Variants in NCOR2 observed in about 807,000 individuals in gnomAD.
NCOR2 encodes the protein nuclear receptor corepressor 2, also known as CTG repeat protein 26.
In NCOR2, 81 loss-of-function variants were observed where a neutral mutation model predicts 262.9. The ratio of observed to expected loss-of-function variants is 0.31; its 90% CI spans 0.26 to 0.37. The LOEUF (loss-of-function observed/expected upper bound fraction) is 0.37. Ranked by LOEUF, NCOR2 falls within the 10% of genes least tolerant of loss-of-function variation. The probability of loss-of-function intolerance (pLI) is 1.00; values close to 1 mark genes in which losing one functional copy is unlikely to be tolerated. For missense variants in NCOR2, 3,385 were observed against 3,621.4 expected, an observed-to-expected ratio of 0.93 and a Z score of 1.68; for synonymous variants, 1,659 against 1,559.3, an observed-to-expected ratio of 1.06 and a Z score of -1.51.
chr12:124,509,250 C>G (rs1434685887), intron 1 of NCOR2, among the ~76,000 whole-genome samples: 12 of 110,778 alleles, frequency 1.1e-4, no homozygotes, highest in African/African-American at 4.1e-4. Context: ...GGGGGGGGGG[C>G]TTAACTCTGA....
exon 38 of NCOR2, chr12:124,336,961 G>A (rs1282185568): frequency 2.0e-6 from 3 of 1,531,758 alleles, no homozygotes; most frequent in Non-Finnish European, 1.8e-6. Flanking sequence ...TGGGGGAGGA[G>A]GCGGGCTCCA....
At chr12:124,448,989 C>A (rs1478614216) in intron 7 of NCOR2, among the ~76,000 whole-genome samples, 1 of 152,206 alleles carries the variant, frequency 6.6e-6, no homozygotes, top group Non-Finnish European at 1.5e-5. Context: ...CAGCCCACCA[C>A]GTGGCCATAT....
intron 32 of NCOR2, 48 bp downstream of exon 34, chr12:124,344,549 C>T: frequency 7.1e-7 from 1 of 1,403,488 alleles, no homozygotes; most frequent in Middle Eastern, 2.6e-4. Flanking sequence ...GGCACAGCTT[C>T]TCCAGACAGG....
intron 27 of NCOR2, 123 bp downstream of exon 29, chr12:124,353,970 G>A: frequency 1.2e-6 from 1 of 851,596 alleles, no homozygotes; most frequent in Non-Finnish European, 1.9e-6. Context: ...GGAGTGAACT[G>A]CTGTCCCCCA....
At chr12:124,429,452 G>A (rs1356307087) in intron 10 of NCOR2, 161 bp downstream of exon 12, 5 of 705,976 alleles carry the variant, frequency 7.1e-6, no homozygotes, top group Non-Finnish European at 1.2e-5. Flanking sequence ...CTGCAGGCCT[G>A]GGACGGGTAC....
intron 20 of NCOR2, among the ~76,000 whole-genome samples, chr12:124,365,602 GAC>G (rs1433823904): frequency 6.6e-6 from 1 of 152,204 alleles, no homozygotes; most frequent in Non-Finnish European, 1.5e-5. Context: ...GGGGAGAGCA[GAC>G]ACAGACTCGG....
chr12:124,339,950 T>C, intron 37 of NCOR2, 56 bp downstream of exon 39: 1 of 1,280,882 alleles, frequency 7.8e-7, no homozygotes, highest in Non-Finnish European at 1.0e-6. Context: ...CTGCTCATCC[T>C]CCTACTGACC....
At chr12:124,361,818 C>T (rs955512251) in intron 22 of NCOR2, among the ~76,000 whole-genome samples, 1 of 89,550 alleles carries the variant, frequency 1.1e-5, no homozygotes, top group Admixed American at 1.5e-4. Context: ...AACCAGGGAC[C>T]AGGGGGATTT....
In NCOR2 at chr12:124,341,813, AC is replaced by A. The variant is rs2036488337; in HGVS notation, c.5188+9del. Reference sequence around the variant, plus strand: ...CAAACCCAGCGGAGGTGGTCTGCCCACCCACTCACCTCGGGGACCCGCAGCG... The same window carrying A: ...CAAACCCAGCGGAGGTGGTCTGCCCACCACTCACCTCGGGGACCCGCAGCG... On this transcript the variant is annotated intron_variant, in intron 34 of 46. Coordinates refer to ENST00000405201, the Ensembl canonical transcript of NCOR2. 6.3e-7 allele frequency: 1 copy of A among 1,592,448 alleles called. No homozygotes were observed. Among genetic ancestry groups the A allele is most frequent in the South Asian group, 1.1e-5 (1 of 89,652 alleles).
intron 1 of NCOR2, among the ~76,000 whole-genome samples, chr12:124,507,697 G>A (rs2136998136): frequency 6.6e-6 from 1 of 152,364 alleles, no homozygotes; most frequent in African/African-American, 2.4e-5. Flanking sequence ...CCAGGGAAGG[G>A]CTGACTGCTT....
exon 2 of NCOR2, chr12:124,486,467 C>G (rs1236039250): frequency 1.2e-6 from 2 of 1,612,594 alleles, no homozygotes; most frequent in African/African-American, 1.3e-5. Flanking sequence ...GGAACTCAGA[C>G]AGCAGGGAGG....
At chr12:124,335,874 C>G (rs765347264) in intron 38 of NCOR2, 5 of 530,426 alleles carry the variant, frequency 9.4e-6, no homozygotes, top group Admixed American at 6.4e-5. Context: ...GAGGGAGACA[C>G]AGAGAGAGAT....
chr12:124,420,570 C>T (rs11837447), intron 12 of NCOR2, among the ~76,000 whole-genome samples: 11,746 of 152,276 alleles, frequency 0.077, 805 homozygotes, highest in African/African-American at 0.18. Context: ...CCACGCCCCA[C>T]GCCCCACGCG....
intron 5 of NCOR2, among the ~76,000 whole-genome samples, chr12:124,463,513 GA>G (rs1375321231): frequency 6.6e-6 from 1 of 152,226 alleles, no homozygotes; most frequent in Non-Finnish European, 1.5e-5. Context: ...GGGGAGGCGG[GA>G]AAAGCCTCGC....
At chr12:124,406,423 G>C (rs898965449) in intron 13 of NCOR2, among the ~76,000 whole-genome samples, 2 of 152,178 alleles carry the variant, frequency 1.3e-5, no homozygotes, top group Non-Finnish European at 2.9e-5. Flanking sequence ...TGCCACGGCT[G>C]GCCTCAGATC....
At chr12:124,346,778 C>T (rs2036967432) in exon 31 of NCOR2, 4 of 1,561,298 alleles carry the variant, frequency 2.6e-6, no homozygotes, top group Non-Finnish European at 3.5e-6. Context: ...CGGAGGCGTG[C>T]CCTCCCGCTT....
chr12:124,497,814 T>C (rs543436159), upstream of NCOR2, among the ~76,000 whole-genome samples: 46 of 152,262 alleles, frequency 3.0e-4, no homozygotes, highest in African/African-American at 1.1e-3. This position sits in a 1 kb window ranked among gnomAD's most constrained non-coding sequence, Gnocchi z 4.2. Context: ...TGCAGCCCAG[T>C]CACCAGTGAC....
At chr12:124,534,192 C>T (rs2137181475) in intron 1 of NCOR2, among the ~76,000 whole-genome samples, 1 of 152,268 alleles carries the variant, frequency 6.6e-6, no homozygotes, top group Admixed American at 6.5e-5. Flanking sequence ...CTTGGTGGCT[C>T]ACACCTGTCA....
At chr12:124,373,903 T>TGGTGGACAACGAGGCCAGTGCGTGC (rs1566413165) in intron 19 of NCOR2, among the ~76,000 whole-genome samples, 1 of 78,326 alleles carries the variant, frequency 1.3e-5, no homozygotes, top group African/African-American at 5.0e-5. Context: ...CCAGTGCGTG[T>TGGTGGACAACGAGGCCAGTGCGTGC]GCAGGGGCCC....
Sources: allele counts gnomAD v4.1 joint callset (sites outside exome capture counted in the v4.1 genomes callset), GRCh38; gene constraint gnomAD v4.1.1; non-coding constraint Gnocchi (gnomAD v3.1); transcripts MANE v1.5; gene names NCBI Gene and HGNC (gene_info 2026-07-23, HGNC 2026-07-21).